The following TMEM120B variants were observed in gnomAD, a reference collection of about 807,000 sequenced individuals.
The protein encoded by TMEM120B is transmembrane protein 120B.
TMEM120B carries 31 observed loss-of-function variants against 55.5 expected under a neutral mutation model. The ratio of observed to expected loss-of-function variants is 0.56; its 90% CI spans 0.42 to 0.75. The LOEUF (loss-of-function observed/expected upper bound fraction) is 0.75, where lower values mean the gene tolerates loss of function less well. TMEM120B is among the 30% of genes least tolerant of loss of function. The pLI, the probability that TMEM120B is intolerant of heterozygous loss-of-function variation, is 0.00. For missense variants in TMEM120B, 399 were observed against 425.5 expected (o/e 0.94, Z 0.55); for synonymous variants, 203 against 176.3 (o/e 1.15, Z -1.20).
intron 4 of TMEM120B, among the ~76,000 whole-genome samples, chr12:121,751,124 C>T (rs1873304389): frequency 7.3e-6 from 1 of 136,218 alleles, no homozygotes; most frequent in Non-Finnish European, 1.6e-5. Context: ...CCCAAACCCA[C>T]ACCCCACACC....
chr12:121,732,755 G>C (rs1452071283), intron 1 of TMEM120B, among the ~76,000 whole-genome samples: 1 of 152,034 alleles, frequency 6.6e-6, no homozygotes, highest in Non-Finnish European at 1.5e-5. Context: ...CGAGGCAGGT[G>C]GATCACAAAG....
intron 1 of TMEM120B, among the ~76,000 whole-genome samples, chr12:121,734,069 T>G (rs1053892259): frequency 2.0e-5 from 3 of 151,926 alleles, no homozygotes; most frequent in African/African-American, 7.3e-5. Flanking sequence ...CCAGGGTGAG[T>G]GGTGTTTTTT....
At chr12:121,744,018 G>T (rs1194981392) in intron 2 of TMEM120B, among the ~76,000 whole-genome samples, 1 of 151,712 alleles carries the variant, frequency 6.6e-6, no homozygotes, top group East Asian at 1.9e-4. Flanking sequence ...GCTTCCTGCC[G>T]GCTGTGCCAC....
At chr12:121,766,998 T>G (rs1377230713) in intron 6 of TMEM120B, among the ~76,000 whole-genome samples, 1 of 152,132 alleles carries the variant, frequency 6.6e-6, no homozygotes, top group Non-Finnish European at 1.5e-5. Flanking sequence ...TGCACATATC[T>G]CCTGCACACT....
intron 4 of TMEM120B, among the ~76,000 whole-genome samples, chr12:121,751,509 A>G (rs996255776): frequency 6.6e-6 from 1 of 151,364 alleles, no homozygotes; most frequent in Non-Finnish European, 1.5e-5. Flanking sequence ...GGGAAGTTGC[A>G]TCTAAGCTAG....
rs1873582766 is a variant in TMEM120B at position 121,759,071 on chromosome 12, T to C, written c.462-2578T>C. 3 of 975,310 alleles carry C rather than the reference T, an allele frequency of 3.1e-6. No individual in the cohort carries two copies. The South Asian group carries it at 1.4e-4, about 46-fold the overall frequency. 60.4% of individuals were successfully genotyped at this position (975,310 alleles called of 1,614,324 possible). On this transcript the variant is annotated intron_variant, in intron 5 of 11. Transcript: ENST00000449592. The stretch of plus-strand genomic sequence containing the variant: ...AGATGGTTTAAGGGGACACAGGGAG[T>C]TTATAGCTTAACACTGCAGACAACC...
chr12:121,750,406 A>G lies in TMEM120B; in HGVS notation c.332A>G (p.Asn111Ser), dbSNP rs1873238278. 6.2e-7 allele frequency: 1 copy of G among 1,612,376 alleles called. No individual in the cohort carries two copies. The highest frequency in any genetic ancestry group is 1.1e-5 in the South Asian group (1 of 91,086). ...CTCTACTTGAACCTGGTCCTCGGCA[A>G]TGTGAACGTGACCCTCCTCAGCAAC... ...NGLYLNLVLG[N>S]VNVTLLSNQA... The change falls in exon 4 of 12, where the codon AAT becomes AGT. Residue 111 changes from asparagine (N) to serine (S), a missense_variant. Asn to Ser is a conservative substitution (Grantham distance 46). Around this residue, in one of 3 missense-constraint regions of TMEM120B, gnomAD observed 260 missense variants for 303.9 expected, o/e 0.86. Transcript: ENST00000449592.
At chr12:121,738,946 G>A (rs1872835421) in intron 1 of TMEM120B, among the ~76,000 whole-genome samples, 1 of 151,896 alleles carries the variant, frequency 6.6e-6, no homozygotes, top group African/African-American at 2.4e-5. Flanking sequence ...CAGCACTTTG[G>A]GAGGCCGAGG....
intron 1 of TMEM120B, among the ~76,000 whole-genome samples, chr12:121,726,319 C>T (rs1166648686): frequency 6.6e-6 from 1 of 152,018 alleles, no homozygotes; most frequent in African/African-American, 2.4e-5. Context: ...GTGGCTCACG[C>T]CTGTAATCCC....
Position 121,726,468 on chromosome 12 carries a change from A to G in TMEM120B, c.69+13504A>G, listed in dbSNP as rs557482813. ...GTGGCAGGCACCTGTAGTCCCAGCTACTCGGGAGGCTGATGCAGGAGAAAG... is the reference window on the plus strand; with the variant it reads ...GTGGCAGGCACCTGTAGTCCCAGCTGCTCGGGAGGCTGATGCAGGAGAAAG... On this transcript the variant is annotated intron_variant, in intron 1 of 11. Coordinates refer to ENST00000449592, the MANE Select transcript of TMEM120B (RefSeq NM_001080825.2). Among the ~76,000 whole-genome samples, 3 of 151,266 alleles carry G rather than the reference A, an allele frequency of 2.0e-5. No individual in the cohort carries two copies. The East Asian group carries it at 5.8e-4, about 29-fold the overall frequency.
chr12:121,724,505 A>C (rs1019046684), intron 1 of TMEM120B, among the ~76,000 whole-genome samples: 10 of 151,702 alleles, frequency 6.6e-5, no homozygotes, highest in African/African-American at 2.2e-4. Flanking sequence ...TATGGTGAGA[A>C]GATGGATGTT....
Position 121,770,969 on chromosome 12 carries a change from C to G in TMEM120B, c.614C>G (p.Thr205Ser). ...ACATTCCTGTCCGGAGTGATGCTGA[C>G]CTGGTGAGTAGCCCCTCGCTGGGCC... ...VSTFLSGVML[T>S]WPNGPIYQKF... The change falls in exon 7 of 12, where the codon ACC becomes AGC. Residue 205 changes from threonine to serine, a missense_variant. Physicochemically the swap from Thr to Ser is moderately conservative, Grantham distance 58. This residue lies in a region of TMEM120B where 260 missense variants were observed against 303.9 expected (regional missense o/e 0.86). Transcript: ENST00000449592. The G allele has an allele frequency of 6.2e-7, 1 of 1,613,940 alleles. No homozygotes were observed.
At chr12:121,743,792 A>G in intron 2 of TMEM120B, 45 bp downstream of exon 2, 2 of 1,409,464 alleles carry the variant, frequency 1.4e-6, no homozygotes, top group Non-Finnish European at 1.0e-6. Context: ...TCTGAGGGAC[A>G]GAAGTCCAAC....
Position 121,773,510 on chromosome 12 carries a change from GT to G in TMEM120B, c.770del (p.Val257GlyfsTer63). On this transcript the variant is annotated frameshift_variant and splice_region_variant, in exon 9 of 12. Coordinates refer to ENST00000449592, the MANE Select transcript of TMEM120B (RefSeq NM_001080825.2). LOFTEE classifies it high-confidence loss of function. ...LGERNHLDLT[V>X]EGFQSWMWRG... ...GGAGAGGAACCACCTGGATCTCACA[GT>G]GGGTGAGTAGCTGGGCCTGGGTTGG... is the stretch of plus-strand genomic sequence containing the variant. 1 of 1,590,276 alleles carries G rather than the reference GT, an allele frequency of 6.3e-7. No homozygotes were observed. The highest frequency in any genetic ancestry group is 8.6e-7 in the Non-Finnish European group (1 of 1,166,796).
intron 2 of TMEM120B, among the ~76,000 whole-genome samples, chr12:121,745,254 GT>G (rs995695214): frequency 1.3e-5 from 2 of 152,188 alleles, no homozygotes; most frequent in Non-Finnish European, 2.9e-5. Context: ...TTGTTTTCTG[GT>G]TTTGAGAGTT....
In TMEM120B at chr12:121,780,424, T is replaced by C. The variant is rs1414618550; in HGVS notation, c.*4702T>C. The C allele has an allele frequency of 4.3e-6, 1 of 233,626 alleles. No homozygotes were observed. The highest frequency in any genetic ancestry group is 8.4e-6 in the Non-Finnish European group (1 of 119,478). The allele number at this position is 233,626 out of a possible 1,614,324, so 14.5% of individuals were successfully genotyped here. A position where few individuals can be genotyped will look rare whatever the true frequency, so the allele number is the denominator to read the frequency against. ...TTTTGCCTTTGCATTCCTTTTATTC[T>C]GTTTATTCCCCCATGCCTCACCCAA... On this transcript the variant is annotated 3_prime_UTR_variant, in exon 12 of 12. Transcript: ENST00000449592.
intron 5 of TMEM120B, among the ~76,000 whole-genome samples, chr12:121,757,223 G>A (rs1873505560): frequency 6.6e-6 from 1 of 151,744 alleles, no homozygotes; most frequent in Non-Finnish European, 1.5e-5. Flanking sequence ...GTACAGTGGT[G>A]TGATCTCAGC....
At chr12:121,756,461 A>G (rs1424211450) in intron 5 of TMEM120B, among the ~76,000 whole-genome samples, 1 of 152,196 alleles carries the variant, frequency 6.6e-6, no homozygotes, top group African/African-American at 2.4e-5. Flanking sequence ...TCTTGCTATG[A>G]CCAGTCCTAG....
intron 1 of TMEM120B, among the ~76,000 whole-genome samples, chr12:121,721,912 G>A (rs552680254): frequency 6.9e-6 from 1 of 144,002 alleles, no homozygotes; most frequent in African/African-American, 2.6e-5. Context: ...GGGTTCAAGC[G>A]ATTTTCCTGC....
Sources: allele counts gnomAD v4.1 joint callset (sites outside exome capture counted in the v4.1 genomes callset), GRCh38; gene constraint gnomAD v4.1.1; regional missense constraint gnomAD v4.1.1; transcripts MANE v1.5; gene names NCBI Gene and HGNC (gene_info 2026-07-23, HGNC 2026-07-21).